Variants in EIF4G3 observed in about 807,000 individuals in gnomAD.
The protein encoded by EIF4G3 is eukaryotic translation initiation factor 4 gamma 3.
In EIF4G3, 34 loss-of-function variants were observed where a neutral mutation model predicts 186.4. The observed-to-expected ratio is 0.18, with a 90% CI of 0.14 to 0.24. The LOEUF (loss-of-function observed/expected upper bound fraction) is 0.24, where lower values mean the gene tolerates loss of function less well. EIF4G3 is among the 10% of genes least tolerant of loss of function. EIF4G3 has a pLI of 1.00. For missense variants in EIF4G3, 1,536 were observed against 1,948.5 expected (o/e 0.79, Z 3.99); for synonymous variants, 673 against 679.5 (o/e 0.99, Z 0.15).
chr1:20,938,432 A>G lies in EIF4G3; in HGVS notation c.1663+3059T>C, dbSNP rs181064514. On this transcript the variant is annotated intron_variant, in intron 14 of 36. Transcript: ENST00000602326. ...TAACCAACTATCTCTATACCAACTG[A>G]TATGTTATTTATGTATCAGGTTTCT... is the stretch of plus-strand genomic sequence containing the variant. 2.6e-5 allele frequency among the ~76,000 whole-genome samples: 4 copies of G among 152,290 alleles called. No individual in the cohort carries two copies. The East Asian group carries it at 7.7e-4, about 29-fold the overall frequency.
At chr1:20,958,816 A>C (rs1311679739) in intron 12 of EIF4G3, among the ~76,000 whole-genome samples, 1 of 152,198 alleles carries the variant, frequency 6.6e-6, no homozygotes, top group East Asian at 1.9e-4. Flanking sequence ...CAAAAATAAA[A>C]TGAAATACCT....
intron 2 of EIF4G3, among the ~76,000 whole-genome samples, chr1:21,102,857 A>C (rs2096551291): frequency 6.6e-6 from 1 of 152,202 alleles, no homozygotes; most frequent in Non-Finnish European, 1.5e-5. Context: ...AAAATAACAA[A>C]TGTCAAGAGA....
Position 21,102,167 on chromosome 1 carries a change from CT to C in EIF4G3, c.-271-12955del, listed in dbSNP as rs765305378. Among the ~76,000 whole-genome samples, 33 of 152,138 alleles carry C rather than the reference CT, an allele frequency of 2.2e-4. 1 individual carries two copies. The highest frequency in any genetic ancestry group is 4.4e-4 in the Non-Finnish European group (30 of 68,016). On this transcript the variant is annotated intron_variant, in intron 2 of 36. Transcript: ENST00000602326. Reference sequence around the variant, plus strand: ...AATAGTTTTAAAAATGGAGGTATTTCTGGCTGGGCTTAGTGGCTCATGTCTG... The same window carrying C: ...AATAGTTTTAAAAATGGAGGTATTTCGGCTGGGCTTAGTGGCTCATGTCTG...
At chr1:21,168,261 C>T (rs964834104) in intron 2 of EIF4G3, among the ~76,000 whole-genome samples, 3 of 151,914 alleles carry the variant, frequency 2.0e-5, no homozygotes, top group Admixed American at 6.6e-5. Context: ...AAAAATTAGC[C>T]GGTCGTGGTG....
intron 10 of EIF4G3, among the ~76,000 whole-genome samples, chr1:20,974,029 G>T (rs2076370036): frequency 6.6e-6 from 1 of 152,182 alleles, no homozygotes; most frequent in South Asian, 2.1e-4. Flanking sequence ...TTATGCCTGA[G>T]CAAGTGAAAG....
intron 2 of EIF4G3, among the ~76,000 whole-genome samples, chr1:21,118,931 T>TAAAA (rs35040627): frequency 3.5e-4 from 30 of 86,094 alleles, no homozygotes; most frequent in African/African-American, 7.0e-4. Flanking sequence ...CAAGCTCTAT[T>TAAAA]AAAAAAAAAA....
In EIF4G3 at chr1:20,950,081, G is replaced by A. The variant is rs1170031154; in HGVS notation, c.745C>T (p.Pro249Ser). The part of the protein sequence containing the change: ...QLPSQVPEHS[P>S]VVYGTVESAH... ...CTCTCCACAGTCCCATAAACCACAG[G>A]GCTGTGCTCGGGGACCTGGCTGGGC... Residue 249 changes from proline to serine, a missense_variant, in exon 13 of 37, where the codon CCT becomes TCT. By Grantham distance (74) the Pro-to-Ser change is moderately conservative. Transcript: ENST00000602326. 2 of 1,602,966 alleles carry A rather than the reference G, an allele frequency of 1.2e-6. No homozygotes were observed. Among genetic ancestry groups the A allele is most frequent in the South Asian group, 1.1e-5 (1 of 89,386 alleles).
chr1:20,881,800 T>G (rs900022203), intron 19 of EIF4G3, among the ~76,000 whole-genome samples: 14 of 149,296 alleles, frequency 9.4e-5, no homozygotes, highest in Admixed American at 7.3e-4. Context: ...AAAATAATAA[T>G]AATGAAAATA....
chr1:20,828,854 A>G (rs1455764245), intron 31 of EIF4G3, among the ~76,000 whole-genome samples: 2 of 152,222 alleles, frequency 1.3e-5, no homozygotes, highest in Non-Finnish European at 2.9e-5. Flanking sequence ...CAAAAGCCAG[A>G]TGAACATTAA....
At chr1:20,921,411 G>T (rs2094487336) in intron 14 of EIF4G3, among the ~76,000 whole-genome samples, 1 of 152,178 alleles carries the variant, frequency 6.6e-6, no homozygotes. Context: ...TGTTGAAGCG[G>T]TGTATCAGCT....
chr1:20,926,680 G>GAAAAAA (rs376198678), intron 14 of EIF4G3, among the ~76,000 whole-genome samples: 3 of 124,372 alleles, frequency 2.4e-5, no homozygotes, highest in African/African-American at 3.1e-5. Flanking sequence ...AAAAAGAAAA[G>GAAAAAA]AAAAAAAAAA....
intron 2 of EIF4G3, chr1:21,174,820 T>C (rs936045902): frequency 6.6e-6 from 1 of 152,150 alleles, no homozygotes; most frequent in East Asian, 1.9e-4. Flanking sequence ...AGTACACACG[T>C]CACACTGGAA....
chr1:21,004,096 T>C (rs1183932373), intron 4 of EIF4G3, among the ~76,000 whole-genome samples: 1 of 152,210 alleles, frequency 6.6e-6, no homozygotes, highest in African/African-American at 2.4e-5. Flanking sequence ...TACGGTGTGC[T>C]TTCCTTGAGG....
chr1:20,981,265 T>A (rs755478737), intron 8 of EIF4G3, 38 bp from the exon 9 acceptor site: 10 of 1,303,248 alleles, frequency 7.7e-6, no homozygotes, highest in Middle Eastern at 2.1e-4. Context: ...TTTTTTTTTT[T>A]AACACAGGGG....
intron 19 of EIF4G3, 26 bp downstream of exon 19, chr1:20,886,175 A>C (rs757325429): frequency 1.3e-6 from 2 of 1,587,844 alleles, no homozygotes. Flanking sequence ...TTTCAAAAGA[A>C]TGTTAGGATA....
In EIF4G3 at chr1:21,028,979, C is replaced by T. The variant is rs200034426; in HGVS notation, c.-67+21887G>A. On this transcript the variant is annotated intron_variant, in intron 4 of 36. Coordinates refer to ENST00000602326, the MANE Select transcript of EIF4G3 (RefSeq NM_001391906.1). ...ATCGTAACCTCTCACTCCTGGATGC[C>T]GCAAGTGAATCTCCAGCCTCAGCTT... is the stretch of plus-strand genomic sequence containing the variant. 7.2e-5 allele frequency among the ~76,000 whole-genome samples: 11 copies of T among 152,262 alleles called. No homozygotes were observed. In the East Asian group the frequency reaches 1.5e-3, roughly 21 times the overall value.
At chr1:20,931,053 T>C (rs564342533) in intron 14 of EIF4G3, among the ~76,000 whole-genome samples, 2 of 151,686 alleles carry the variant, frequency 1.3e-5, no homozygotes, top group East Asian at 3.9e-4. Context: ...GGCTATTTGG[T>C]GGAGAATAAA....
At chr1:20,899,600 T>C (rs2089620285) in intron 16 of EIF4G3, 97 bp downstream of exon 16, 1 of 1,434,064 alleles carries the variant, frequency 7.0e-7, no homozygotes, top group East Asian at 2.3e-5. Flanking sequence ...GATAAACCTC[T>C]TTCTTCCATC....
At chr1:21,133,514 C>A (rs970537305) in intron 2 of EIF4G3, among the ~76,000 whole-genome samples, 27 of 152,222 alleles carry the variant, frequency 1.8e-4, no homozygotes, top group African/African-American at 5.8e-4. Context: ...CATGAGCCAC[C>A]GCGCCCAGCC....
Sources: gnomAD v4.1 joint callset for allele counts (sites outside exome capture counted in the v4.1 genomes callset) on GRCh38, gnomAD v4.1.1 for gene constraint, MANE v1.5 for transcripts, NCBI Gene and HGNC (gene_info 2026-07-23, HGNC 2026-07-21) for gene names.